The following PSTK variants were observed in gnomAD, a reference collection of about 807,000 sequenced individuals.
The protein encoded by PSTK is L-seryl-tRNA(Sec) kinase.
Under a neutral mutation model 38.6 loss-of-function variants are expected in PSTK, and 26 were observed. The observed-to-expected ratio is 0.67, with a 90% confidence interval of 0.49 to 0.94. The LOEUF (loss-of-function observed/expected upper bound fraction) is 0.94. Among genes scored for constraint, PSTK ranks in the 40% least tolerant of loss-of-function variants. The probability of loss-of-function intolerance (pLI) is 0.00; values close to 1 mark genes in which losing one functional copy is unlikely to be tolerated. For missense variants in PSTK, 445 were observed against 436.3 expected (o/e 1.02, Z -0.18); for synonymous variants, 181 against 161.7 (o/e 1.12, Z -0.91).
rs1848993873 is a variant in PSTK at position 122,983,414 on chromosome 10, T to C, written c.651T>C (p.Asn217=). 1 of 1,613,852 alleles carries C rather than the reference T, an allele frequency of 6.2e-7. No individual in the cohort carries two copies. The highest frequency in any genetic ancestry group is 1.3e-5 in the African/African-American group (1 of 74,868). ...RKLEKPNPEK[N]AWEHNSLTIP... is the part of the protein sequence containing the mutation. ...TAGAAAAGCCCAACCCTGAGAAAAATGCTTGGGAACACAACAGCCTCACAA... is the reference window on the plus strand; with the variant it reads ...TAGAAAAGCCCAACCCTGAGAAAAACGCTTGGGAACACAACAGCCTCACAA... The change falls in exon 3 of 6, where the codon AAT becomes AAC. Residue 217 remains asparagine (N), a synonymous_variant. Transcript: ENST00000406217.
Position 122,980,854 on chromosome 10 carries a change from T to C in PSTK, c.216+159T>C, listed in dbSNP as rs1848951454. 2.0e-6 allele frequency: 2 copies of C among 979,464 alleles called. No individual in the cohort carries two copies. The highest frequency in any genetic ancestry group is 6.2e-5 in the Admixed American group (1 of 16,256). 60.7% of individuals were successfully genotyped at this position (979,464 alleles called of 1,614,324 possible). On this transcript the variant is annotated intron_variant, in intron 1 of 5. Transcript: ENST00000406217. The surrounding 1 kb of genome is among the most constrained non-coding windows in gnomAD (Gnocchi z 4.3). ...CGAGAAAAGTGGAGCTGGGTTAACA[T>C]AGTTACTGCAGAGGGTGAATGCGTT...
chr10:122,990,224 A>C lies in PSTK; in HGVS notation c.928A>C (p.Lys310Gln), dbSNP rs11190. 552,329 of 1,532,690 alleles carry C rather than the reference A, an allele frequency of 0.36. 105,570 individuals are homozygous for C. Among genetic ancestry groups the C allele is most frequent in the Non-Finnish European group, 0.4 (451,636 of 1,141,068 alleles). 94.9% of individuals were successfully genotyped at this position (1,532,690 alleles called of 1,614,324 possible). Residue 310 changes from lysine to glutamine, a missense_variant, in exon 6 of 6, where the codon AAG becomes CAG. By Grantham distance (53) the Lys-to-Gln change is moderately conservative. Transcript: ENST00000406217. Reference protein sequence around the residue: ...NLKLLAEELNKLKAEFLEDLK... With the variant: ...NLKLLAEELNQLKAEFLEDLK... ...GAAGCTTCTAGCAGAAGAACTTAAC[A>C]AGCTCAAAGCAGAGTTTTTGGAAGA...
intron 3 of PSTK, chr10:122,983,753 T>C (rs1463672389): frequency 5.4e-6 from 2 of 370,610 alleles, no homozygotes; most frequent in Non-Finnish European, 9.9e-6. Context: ...CTTGCTAAAA[T>C]AGATAGTCTA....
At chr10:122,989,091 A>AC (rs1418305730) in intron 5 of PSTK, among the ~76,000 whole-genome samples, 4 of 149,528 alleles carry the variant, frequency 2.7e-5, no homozygotes, top group Non-Finnish European at 4.4e-5. Context: ...AGTCCCAAAG[A>AC]CCAAGTGTAT....
chr10:122,980,694 C>A lies in PSTK; in HGVS notation c.215C>A (p.Ala72Glu), dbSNP rs766987914. Reference sequence around the variant, plus strand: ...CTCGCCGGGGCAAGAGCGCGACCGGCGGTCAGCACGGAGGGGCGGGGCCTG... The same window carrying A: ...CTCGCCGGGGCAAGAGCGCGACCGGAGGTCAGCACGGAGGGGCGGGGCCTG... ...AFLAGARARP[A>E]PSQWKLLRQE... The change falls in exon 1 of 6, where the codon GCG becomes GAG. Residue 72 changes from alanine (A) to glutamate (E), a missense_variant and splice_region_variant. Coordinates refer to ENST00000406217, the MANE Select transcript of PSTK (RefSeq NM_001363531.2). The surrounding 1 kb of genome is among the most constrained non-coding windows in gnomAD (Gnocchi z 4.3). 1.8e-5 allele frequency: 24 copies of A among 1,306,436 alleles called. No homozygotes were observed. Among genetic ancestry groups the A allele is most frequent in the Admixed American group, 2.4e-5 (1 of 42,312 alleles). The allele number at this position is 1,306,436 out of a possible 1,614,324, so 80.9% of individuals were successfully genotyped here. A position where few individuals can be genotyped will look rare whatever the true frequency, so the allele number is the denominator to read the frequency against.
intron 5 of PSTK, among the ~76,000 whole-genome samples, chr10:122,989,638 GATTAAA>G (rs969901309): frequency 6.6e-6 from 1 of 152,190 alleles, no homozygotes; most frequent in African/African-American, 2.4e-5. Context: ...GTATCATACA[GATTAAA>G]TGGGTAAACT....
Position 122,983,486 on chromosome 10 carries a change from A to G in PSTK, c.707+16A>G, listed in dbSNP as rs148894669. ...CGGAGGCCAGGTATTCCACTCAATC[A>G]TCCCTCCCTGGATGCTCCCCTGTGC... On this transcript the variant is annotated intron_variant, in intron 3 of 5. Transcript: ENST00000406217. 8.0e-3 allele frequency: 12,922 copies of G among 1,609,800 alleles called. 73 individuals carry two copies. Among genetic ancestry groups the G allele is most frequent in the Non-Finnish European group, 9.9e-3 (11,686 of 1,178,256 alleles).
Position 122,983,358 on chromosome 10 carries a change from C to T in PSTK, c.595C>T (p.Pro199Ser), listed in dbSNP as rs1183351936. ...TGGCCAGAGGCCACAGGCACTGCCT[C>T]CTGAGACCATCCACCTGATGGGAAG... ...RNGQRPQALPPETIHLMGRKL... is the reference protein window; with the variant it reads ...RNGQRPQALPSETIHLMGRKL... The change falls in exon 3 of 6, where the codon CCT (proline) becomes TCT (serine). Residue 199 changes from proline to serine, a missense_variant. By Grantham distance (74) the Pro-to-Ser change is moderately conservative. Coordinates refer to ENST00000406217, the MANE Select transcript of PSTK (RefSeq NM_001363531.2). 1.2e-6 allele frequency: 2 copies of T among 1,614,098 alleles called. No homozygotes were observed. Among genetic ancestry groups the T allele is most frequent in the African/African-American group, 2.7e-5 (2 of 74,946 alleles).
At chr10:122,984,749 G>C (rs7095889) in intron 3 of PSTK, 100,083 of 152,084 alleles carry the variant, frequency 0.66, 33,292 homozygotes, top group Non-Finnish European at 0.7. Flanking sequence ...AAAAGGGCAT[G>C]GGTATGAAAA....
In PSTK at chr10:122,980,706, AGGGGCGGGGCCTGGGCCGC is replaced by A. The variant is rs762746014; in HGVS notation, c.216+22_216+40del. ...AGAGCGCGACCGGCGGTCAGCACGG[AGGGGCGGGGCCTGGGCCGC>A]GGGGCGGGGCGGGGCGGGGCGGGGC... On this transcript the variant is annotated intron_variant, in intron 1 of 5. Coordinates refer to ENST00000406217, the MANE Select transcript of PSTK (RefSeq NM_001363531.2). This position sits in a 1 kb window ranked among gnomAD's most constrained non-coding sequence, Gnocchi z 4.3. The A allele has an allele frequency of 3.1e-4, 317 of 1,014,440 alleles. 2 individuals carry two copies. In the African/African-American group the frequency reaches 3.6e-3, roughly 12 times the overall value. 62.8% of individuals were successfully genotyped at this position (1,014,440 alleles called of 1,614,324 possible). A position where few individuals can be genotyped will look rare whatever the true frequency, so the allele number is the denominator to read the frequency against.
At chr10:122,981,256 T>C (rs1272046958) in intron 1 of PSTK, among the ~76,000 whole-genome samples, 5 of 152,246 alleles carry the variant, frequency 3.3e-5, no homozygotes, top group Non-Finnish European at 5.9e-5. Flanking sequence ...TGAAGCTTAA[T>C]CTTTGTTCAT....
Position 122,990,239 on chromosome 10 carries a change from T to C in PSTK, c.943T>C (p.Phe315Leu). 1.3e-6 allele frequency: 2 copies of C among 1,541,258 alleles called. No individual in the cohort carries two copies. The highest frequency in any genetic ancestry group is 1.7e-6 in the Non-Finnish European group (2 of 1,143,888). ...AGAACTTAACAAGCTCAAAGCAGAG[T>C]TTTTGGAAGACCTAAAACAAGGAAA... ...AEELNKLKAE[F>L]LEDLKQGNKK... The change falls in exon 6 of 6, where the codon TTT becomes CTT. Residue 315 changes from phenylalanine to leucine, a missense_variant. By Grantham distance (22) the Phe-to-Leu change is conservative (BLOSUM62 0). Coordinates refer to ENST00000406217, the MANE Select transcript of PSTK (RefSeq NM_001363531.2).
At chr10:122,987,518 A>G (rs1163506577) in intron 5 of PSTK, 7 of 1,611,724 alleles carry the variant, frequency 4.3e-6, no homozygotes, top group Non-Finnish European at 5.9e-6. Flanking sequence ...AGAAGGGGGG[A>G]AAGGTAGTCA....
intron 5 of PSTK, chr10:122,987,338 T>G: frequency 6.2e-7 from 1 of 1,613,362 alleles, no homozygotes. Flanking sequence ...AAAAAGGTAA[T>G]CAGGAAGCCT....
intron 4 of PSTK, 145 bp from the exon 5 acceptor site, chr10:122,986,724 T>C (rs1849038690): frequency 1.6e-6 from 1 of 607,930 alleles, no homozygotes; most frequent in Non-Finnish European, 2.9e-6. Flanking sequence ...TCTGATTTGG[T>C]TGGACTCTCT....
chr10:122,982,253 C>G (rs1364740522), intron 1 of PSTK: 1 of 154,142 alleles, frequency 6.5e-6, no homozygotes, highest in Non-Finnish European at 1.4e-5. Context: ...TATATCTTAG[C>G]CAGACTATTT....
At chr10:122,990,390 AT>A, downstream of PSTK, 1 of 1,344,588 alleles carries the variant, frequency 7.4e-7, no homozygotes, top group Non-Finnish European at 1.0e-6. Flanking sequence ...TGAACTGCCA[AT>A]CAAATGTCTC....
chr10:122,982,583 T>A (rs1848975262), intron 1 of PSTK, 150 bp from the exon 2 acceptor site: 1 of 640,708 alleles, frequency 1.6e-6, no homozygotes. Flanking sequence ...ATGGTATATA[T>A]GGAGTCATGT....
intron 4 of PSTK, 37 bp downstream of exon 4, chr10:122,986,412 G>C (rs1849034019): frequency 7.1e-7 from 1 of 1,399,074 alleles, no homozygotes; most frequent in South Asian, 1.2e-5. Flanking sequence ...AAATGAGAAG[G>C]AACAACTTTT....
Sources: gnomAD v4.1 joint callset for allele counts (sites outside exome capture counted in the v4.1 genomes callset) on GRCh38, gnomAD v4.1.1 for gene constraint, Gnocchi (gnomAD v3.1) non-coding constraint, MANE v1.5 for transcripts, NCBI Gene and HGNC (gene_info 2026-07-23, HGNC 2026-07-21) for gene names.